Variants in ATE1 observed in about 807,000 individuals in gnomAD.
ATE1 encodes arginyltransferase 1, also known as arginyl-tRNA--protein transferase 1.
In ATE1, 36 loss-of-function variants were observed where a neutral mutation model predicts 70.5. That is an observed-to-expected ratio of 0.51 (90% confidence interval 0.39 to 0.67). The LOEUF (loss-of-function observed/expected upper bound fraction) is 0.67. ATE1 is among the 30% of genes least tolerant of loss of function. ATE1 has a pLI of 0.00. For missense variants in ATE1, 593 were observed against 629.5 expected, an observed-to-expected ratio of 0.94 and a Z score of 0.62; for synonymous variants, 232 against 219.3, an observed-to-expected ratio of 1.06 and a Z score of -0.51.
chr10:121,923,470 A>T (rs868790305), intron 2 of ATE1, among the ~76,000 whole-genome samples: 9 of 152,284 alleles, frequency 5.9e-5, no homozygotes, highest in Middle Eastern at 6.8e-3. Context: ...CCTGGGCAAC[A>T]GAGCGAGACC....
chr10:121,897,430 A>G (rs1950822083), intron 7 of ATE1, among the ~76,000 whole-genome samples: 1 of 152,198 alleles, frequency 6.6e-6, no homozygotes, highest in African/African-American at 2.4e-5. Context: ...AATCCTTACT[A>G]TCTGCAAATG....
At chr10:121,793,204 T>C (rs949420241) in intron 10 of ATE1, among the ~76,000 whole-genome samples, 2 of 152,138 alleles carry the variant, frequency 1.3e-5, no homozygotes, top group African/African-American at 2.4e-5. Context: ...ATTAAAACCA[T>C]AACAAATTAT....
intron 8 of ATE1, among the ~76,000 whole-genome samples, chr10:121,865,741 T>G (rs1949643422): frequency 6.6e-6 from 1 of 152,176 alleles, no homozygotes; most frequent in South Asian, 2.1e-4. Context: ...CTATTAGTCT[T>G]CAGCTTACAG....
chr10:121,865,015 T>C (rs190061632), intron 8 of ATE1, among the ~76,000 whole-genome samples: 199 of 152,280 alleles, frequency 1.3e-3, no homozygotes, highest in African/African-American at 4.5e-3. Context: ...CTAATCACGG[T>C]CTTCTTTCAA....
At chr10:121,792,785 A>C (rs188302042) in intron 10 of ATE1, among the ~76,000 whole-genome samples, 35 of 152,326 alleles carry the variant, frequency 2.3e-4, no homozygotes, top group Admixed American at 2.2e-3. Flanking sequence ...ATCACTTTGC[A>C]AATCTGACGG....
intron 8 of ATE1, among the ~76,000 whole-genome samples, chr10:121,841,909 T>A (rs1370161659): frequency 6.6e-6 from 1 of 151,926 alleles, no homozygotes; most frequent in Non-Finnish European, 1.5e-5. Flanking sequence ...CCTACTGAAA[T>A]AAAATAAATA....
At chr10:121,745,225 A>G (rs1387864936) in intron 11 of ATE1, among the ~76,000 whole-genome samples, 1 of 152,244 alleles carries the variant, frequency 6.6e-6, no homozygotes. Context: ...ACTAAAATGT[A>G]CAATGTTTTC....
intron 8 of ATE1, among the ~76,000 whole-genome samples, chr10:121,864,421 C>T (rs1204926137): frequency 2.0e-5 from 3 of 152,348 alleles, no homozygotes; most frequent in Admixed American, 6.5e-5. Context: ...CTCGCTCACT[C>T]GCTGCTCACC....
intron 11 of ATE1, among the ~76,000 whole-genome samples, chr10:121,758,110 TTAATA>T (rs1944881717): frequency 6.6e-6 from 1 of 152,348 alleles, no homozygotes; most frequent in Non-Finnish European, 1.5e-5. Context: ...GGTACTATAC[TTAATA>T]TAAGTATGTA....
chr10:121,812,685 A>G (rs1477967908), intron 10 of ATE1, among the ~76,000 whole-genome samples: 2 of 152,198 alleles, frequency 1.3e-5, no homozygotes, highest in Admixed American at 6.5e-5. Context: ...CTGATTTTTT[A>G]TAACAATGGC....
intron 11 of ATE1, among the ~76,000 whole-genome samples, chr10:121,765,393 C>T (rs565777715): frequency 3.3e-5 from 5 of 152,344 alleles, no homozygotes; most frequent in Admixed American, 3.3e-4. Flanking sequence ...TGATTCCCAG[C>T]CCTGGCTACA....
intron 3 of ATE1, among the ~76,000 whole-genome samples, chr10:121,917,557 T>C (rs1951710072): frequency 6.6e-6 from 1 of 152,050 alleles, no homozygotes. Context: ...AGCTTGAATG[T>C]GGCAGGGAAA....
chr10:121,782,706 A>G (rs1345212428), intron 11 of ATE1: 5 of 152,246 alleles, frequency 3.3e-5, no homozygotes, highest in African/African-American at 4.8e-5. Context: ...GGTGCTGCCA[A>G]AAGAGATGAA....
intron 7 of ATE1, among the ~76,000 whole-genome samples, chr10:121,877,771 G>C (rs1466235515): frequency 6.6e-6 from 1 of 152,212 alleles, no homozygotes; most frequent in Non-Finnish European, 1.5e-5. Flanking sequence ...ATATGTTAAT[G>C]AGGATGTGGC....
chr10:121,870,462 G>A (rs969883196), intron 7 of ATE1, among the ~76,000 whole-genome samples: 2 of 151,320 alleles, frequency 1.3e-5, no homozygotes, highest in East Asian at 2.0e-4. Flanking sequence ...CAACAAAAGG[G>A]GAGAGGAAAG....
At chr10:121,771,547 T>C (rs1945518057) in intron 11 of ATE1, among the ~76,000 whole-genome samples, 1 of 152,240 alleles carries the variant, frequency 6.6e-6, no homozygotes, top group Admixed American at 6.5e-5. Flanking sequence ...CTTAAGGTCC[T>C]AAAGCTTGTT....
Position 121,911,058 on chromosome 10 carries a change from C to A in ATE1, c.431G>T (p.Ser144Ile), listed in dbSNP as rs1951403845. 1.2e-6 allele frequency: 2 copies of A among 1,613,498 alleles called. No homozygotes were observed. The highest frequency in any genetic ancestry group is 4.5e-5 in the East Asian group (2 of 44,866). The stretch of plus-strand genomic sequence containing the variant: ...CTCTAAACTCTCTTTGATGTCATCA[C>A]TGAGTGTTTTAAGATCACACTGTAT... ...LDIQCDLKTL[S>I]DDIKESLESE... is the part of the protein sequence containing the mutation. Residue 144 changes from serine (S) to isoleucine (I), a missense_variant, in exon 5 of 12, where the codon AGT becomes ATT. Around this residue, in one of 3 missense-constraint regions of ATE1, gnomAD observed 467 missense variants for 469.6 expected, o/e 0.99. Coordinates refer to ENST00000224652, the MANE Select transcript of ATE1 (RefSeq NM_001001976.3).
At chr10:121,851,881 G>A (rs1949068576) in intron 8 of ATE1, among the ~76,000 whole-genome samples, 3 of 152,252 alleles carry the variant, frequency 2.0e-5, no homozygotes, top group Admixed American at 2.0e-4. Context: ...GGAAAGGAAT[G>A]ACTTCTGTGA....
intron 11 of ATE1, among the ~76,000 whole-genome samples, chr10:121,785,626 A>G (rs1320039653): frequency 6.6e-6 from 1 of 152,224 alleles, no homozygotes; most frequent in Non-Finnish European, 1.5e-5. Context: ...GCCTTTAAAC[A>G]GCAAAAACAC....
Sources: gnomAD v4.1 joint callset for allele counts (sites outside exome capture counted in the v4.1 genomes callset) on GRCh38, gnomAD v4.1.1 for gene constraint, gnomAD v4.1.1 regional missense constraint, MANE v1.5 for transcripts, NCBI Gene and HGNC (gene_info 2026-07-23, HGNC 2026-07-21) for gene names.